The following NTM variants were observed in gnomAD, a reference collection of about 807,000 sequenced individuals.
NTM encodes the protein neurotrimin, also known as IgLON family member 2.
Under a neutral mutation model 42.1 loss-of-function variants are expected in NTM, and 13 were observed. The ratio of observed to expected loss-of-function variants is 0.31; its 90% confidence interval spans 0.20 to 0.49. NTM has a LOEUF of 0.49. NTM is among the 20% of genes least tolerant of loss of function. The probability of loss-of-function intolerance (pLI) is 0.99; values close to 1 mark genes in which losing one functional copy is unlikely to be tolerated. For synonymous variants in NTM, 187 were observed against 179.2 expected, an observed-to-expected ratio of 1.04 and a Z score of -0.35; for missense variants, 373 against 452.8, an observed-to-expected ratio of 0.82 and a Z score of 1.60.
chr11:132,311,514 A>C (rs1372784814), intron 6 of NTM, among the ~76,000 whole-genome samples: 1 of 152,192 alleles, frequency 6.6e-6, no homozygotes. Context: ...AATCAAGCAG[A>C]CTGGAGCGTG....
intron 1 of NTM, among the ~76,000 whole-genome samples, chr11:131,427,049 G>T (rs1221567148): frequency 6.6e-6 from 1 of 152,216 alleles, no homozygotes; most frequent in Non-Finnish European, 1.5e-5. Flanking sequence ...GGAGAAAGAT[G>T]CTGACCTTGA....
intron 1 of NTM, among the ~76,000 whole-genome samples, chr11:131,855,090 G>A (rs2045965568): frequency 6.6e-6 from 1 of 152,154 alleles, no homozygotes; most frequent in Non-Finnish European, 1.5e-5. Context: ...GTCCTGGACA[G>A]GGAACACAGG....
chr11:131,378,657 G>A (rs1228230920), intron 1 of NTM, among the ~76,000 whole-genome samples: 2 of 152,196 alleles, frequency 1.3e-5, no homozygotes, highest in African/African-American at 4.8e-5. Flanking sequence ...CAATTCCTAA[G>A]CCTTCCTGCA....
At chr11:132,097,230 G>A (rs2061115952) in intron 2 of NTM, among the ~76,000 whole-genome samples, 1 of 152,234 alleles carries the variant, frequency 6.6e-6, no homozygotes. Flanking sequence ...CAAGTGTTGT[G>A]TGTGTGGTGG....
chr11:131,634,397 GA>G (rs56158370), intron 1 of NTM, among the ~76,000 whole-genome samples: 76,746 of 146,772 alleles, frequency 0.52, 21,198 homozygotes, highest in East Asian at 0.7. Context: ...AAGCCCCCTG[GA>G]AAAAAAAAAA....
chr11:131,709,093 C>A (rs929405992), intron 1 of NTM, among the ~76,000 whole-genome samples: 1 of 152,048 alleles, frequency 6.6e-6, no homozygotes, highest in African/African-American at 2.4e-5. Context: ...ATGAGCATTG[C>A]TGGTGTGTTC....
intron 2 of NTM, among the ~76,000 whole-genome samples, chr11:131,926,501 G>A (rs1442257041): frequency 7.2e-5 from 11 of 151,992 alleles, no homozygotes; most frequent in Admixed American, 5.9e-4. Context: ...CAAGTGGAAT[G>A]ACCTAGTCAA....
intron 2 of NTM, among the ~76,000 whole-genome samples, chr11:132,108,511 A>G (rs76739093): frequency 0.13 from 19,463 of 152,046 alleles, 1,471 homozygotes; most frequent in South Asian, 0.2. Flanking sequence ...GAATGATACA[A>G]TGGACTCTGG....
At chr11:131,668,767 C>T (rs922187913) in intron 1 of NTM, among the ~76,000 whole-genome samples, 22 of 152,266 alleles carry the variant, frequency 1.4e-4, no homozygotes, top group Non-Finnish European at 3.1e-4. Context: ...TGGCCCAGAA[C>T]CTCGTTAGTC....
chr11:132,193,210 T>C (rs2079593503), intron 3 of NTM, among the ~76,000 whole-genome samples: 1 of 152,142 alleles, frequency 6.6e-6, no homozygotes, highest in Non-Finnish European at 1.5e-5. Context: ...TACTTTCTTC[T>C]TATCTGTATA....
chr11:131,688,165 A>C (rs1427853056), intron 1 of NTM, among the ~76,000 whole-genome samples: 2 of 152,042 alleles, frequency 1.3e-5, no homozygotes, highest in Non-Finnish European at 2.9e-5. Context: ...CAGAACGGCC[A>C]CCGGAGGGCA....
chr11:131,397,358 AG>A (rs1242194697), intron 1 of NTM, among the ~76,000 whole-genome samples: 1 of 151,996 alleles, frequency 6.6e-6, no homozygotes, highest in Non-Finnish European at 1.5e-5. Flanking sequence ...TACCTTTTTA[AG>A]TACTCCTTCA....
chr11:131,467,166 G>A (rs1462906785), intron 1 of NTM, among the ~76,000 whole-genome samples: 1 of 152,194 alleles, frequency 6.6e-6, no homozygotes, highest in Non-Finnish European at 1.5e-5. Context: ...GACGAGAAAA[G>A]AAGAGAATGT....
intron 2 of NTM, among the ~76,000 whole-genome samples, chr11:131,951,084 GA>G (rs2060931596): frequency 6.6e-6 from 1 of 152,172 alleles, no homozygotes; most frequent in Non-Finnish European, 1.5e-5. Context: ...AAGCAAGGAT[GA>G]GCTATTTTCC....
intron 1 of NTM, among the ~76,000 whole-genome samples, chr11:131,432,752 A>G (rs1256351789): frequency 1.3e-5 from 2 of 150,598 alleles, no homozygotes; most frequent in African/African-American, 4.9e-5. Context: ...TTGGATATTT[A>G]CCTCCAGATT....
At chr11:132,059,064 G>A (rs2080187381) in intron 2 of NTM, among the ~76,000 whole-genome samples, 1 of 152,162 alleles carries the variant, frequency 6.6e-6, no homozygotes, top group Non-Finnish European at 1.5e-5. Flanking sequence ...AACCAATATA[G>A]ACAGAAAAGA....
At chr11:131,530,453 G>T in intron 1 of NTM, among the ~76,000 whole-genome samples, 1 of 148,268 alleles carries the variant, frequency 6.7e-6, no homozygotes, top group South Asian at 2.1e-4. Flanking sequence ...AGACTGACCA[G>T]TTCTTTTACT....
intron 1 of NTM, among the ~76,000 whole-genome samples, chr11:131,819,781 T>C (rs56127345): frequency 0.2 from 30,344 of 152,036 alleles, 6,180 homozygotes; most frequent in African/African-American, 0.53. Context: ...ACCAGGAGCT[T>C]GTTGCTCTTT....
chr11:132,262,767 CCTT>C (rs2092944813), intron 4 of NTM, among the ~76,000 whole-genome samples: 1 of 152,172 alleles, frequency 6.6e-6, no homozygotes, highest in African/African-American at 2.4e-5. Context: ...AAATGTATGT[CCTT>C]CTTACATGTG....
Sources: allele counts gnomAD v4.1 joint callset (sites outside exome capture counted in the v4.1 genomes callset), GRCh38; gene constraint gnomAD v4.1.1; transcripts MANE v1.5; gene names NCBI Gene and HGNC (gene_info 2026-07-23, HGNC 2026-07-21).